Variants in CALN1 observed in about 807,000 individuals in gnomAD.
The protein encoded by CALN1 is calneuron 1, also known as calcium-binding protein 8.
Under a neutral mutation model 30.6 loss-of-function variants are expected in CALN1, and 17 were observed. That is an observed-to-expected ratio of 0.56 (90% CI 0.38 to 0.83). CALN1 has a LOEUF of 0.83. Ranked by LOEUF, CALN1 falls within the 40% of genes least tolerant of loss-of-function variation. The probability of loss-of-function intolerance (pLI) is 0.00; values close to 1 mark genes in which losing one functional copy is unlikely to be tolerated. For synonymous variants in CALN1, 156 were observed against 131.4 expected (o/e 1.19, Z -1.28); for missense variants, 291 against 354.9 (o/e 0.82, Z 1.45).
intron 4 of CALN1, among the ~76,000 whole-genome samples, chr7:72,053,808 G>A: frequency 6.8e-6 from 1 of 147,188 alleles, no homozygotes; most frequent in East Asian, 2.0e-4. Flanking sequence ...TTCCCCCCAG[G>A]TCCCCAAAGT....
chr7:71,943,683 T>C (rs10276992), intron 5 of CALN1, among the ~76,000 whole-genome samples: 102,836 of 151,908 alleles, frequency 0.68, 35,311 homozygotes, highest in Non-Finnish European at 0.72. Flanking sequence ...CTCAGGTCAT[T>C]CACCCACCTC....
At position 72,055,508 on chromosome 7, in the gene CALN1, AAAG is replaced by A. The variant is rs569730196; in HGVS notation, c.389-31742_389-31740del. ...GATATGGTAATCATCGTTGCAAAAAAAAGAGGATTCTTTGAGAAAACTATAAAA... is the reference window on the plus strand; with the variant it reads ...GATATGGTAATCATCGTTGCAAAAAAAGGATTCTTTGAGAAAACTATAAAA... On this transcript the variant is annotated intron_variant, in intron 4 of 6. Coordinates refer to ENST00000395275, the MANE Select transcript of CALN1 (RefSeq NM_031468.4). Among the ~76,000 whole-genome samples the A allele has an allele frequency of 3.9e-3, 597 of 152,320 alleles. 4 individuals are homozygous for A. The highest frequency in any genetic ancestry group is 0.027 in the Middle Eastern group (8 of 294).
intron 3 of CALN1, among the ~76,000 whole-genome samples, chr7:72,229,448 T>C (rs549595649): frequency 1.3e-4 from 20 of 151,986 alleles, no homozygotes; most frequent in Non-Finnish European, 2.9e-4. Context: ...ACCCAAATGA[T>C]TATAAATCAT....
At chr7:72,340,601 G>C (rs192415025) in intron 2 of CALN1, among the ~76,000 whole-genome samples, 236 of 152,274 alleles carry the variant, frequency 1.5e-3, no homozygotes, top group Admixed American at 5.1e-3. Flanking sequence ...CGGATAGCTG[G>C]TCTTACTGCA....
chr7:72,403,242 A>T lies in CALN1; in HGVS notation c.119+9T>A. 1 of 1,546,218 alleles carries T rather than the reference A, an allele frequency of 6.5e-7. No homozygotes were observed. The highest frequency in any genetic ancestry group is 2.4e-5 in the East Asian group (1 of 40,918). ...TCTAGGTCCTTGGGTTTGGGGGAAG[A>T]AGACTTGCCAGGTGGGGAAGTCGGG... On this transcript the variant is annotated intron_variant, in intron 2 of 6. Transcript: ENST00000395275.
intron 2 of CALN1, among the ~76,000 whole-genome samples, chr7:72,315,927 A>C (rs1261304163): frequency 6.6e-6 from 1 of 152,028 alleles, no homozygotes; most frequent in Admixed American, 6.6e-5. Context: ...CAGGAGGATC[A>C]CTTGAGGTCA....
the CALN1 span, among the ~76,000 whole-genome samples, chr7:72,463,979 G>T: frequency 9.2e-6 from 1 of 108,328 alleles, no homozygotes; most frequent in Non-Finnish European, 1.7e-5. Context: ...AAGGAAGGAA[G>T]GGAAGGAGGG....
At chr7:72,495,672 CAG>C in the CALN1 span, among the ~76,000 whole-genome samples, 1 of 152,148 alleles carries the variant, frequency 6.6e-6, no homozygotes, top group Admixed American at 6.6e-5. Context: ...CTCAAGAAAA[CAG>C]AGAAGTGTGG....
chr7:72,442,755 T>C (rs926291273), intron 1 of CALN1, among the ~76,000 whole-genome samples: 2 of 152,234 alleles, frequency 1.3e-5, no homozygotes, highest in Non-Finnish European at 2.9e-5. Flanking sequence ...TTGCACTTTA[T>C]GTAGGGTTGC....
intron 3 of CALN1, among the ~76,000 whole-genome samples, chr7:72,137,577 T>A (rs1381201826): frequency 2.0e-5 from 3 of 152,068 alleles, no homozygotes; most frequent in Admixed American, 6.5e-5. Flanking sequence ...AAACACAGTA[T>A]CTGCAAGGTG....
chr7:72,194,660 T>C (rs2428278), intron 3 of CALN1, among the ~76,000 whole-genome samples: 77,676 of 146,002 alleles, frequency 0.53, 24,025 homozygotes, highest in East Asian at 0.96. Flanking sequence ...GGCACGATCT[T>C]GGCTCACTGA....
intron 3 of CALN1, among the ~76,000 whole-genome samples, chr7:72,228,299 T>C (rs980664119): frequency 2.0e-5 from 3 of 151,726 alleles, no homozygotes; most frequent in South Asian, 2.1e-4. Context: ...TTGCCTAGAA[T>C]GCATGTAACT....
chr7:72,014,052 T>C (rs1029285631), intron 5 of CALN1, among the ~76,000 whole-genome samples: 5 of 151,788 alleles, frequency 3.3e-5, no homozygotes, highest in African/African-American at 1.2e-4. Flanking sequence ...TTTCTTTCTA[T>C]TTACATTTCT....
chr7:72,310,217 C>A (rs1799948014), intron 2 of CALN1, among the ~76,000 whole-genome samples: 1 of 151,676 alleles, frequency 6.6e-6, no homozygotes, highest in Non-Finnish European at 1.5e-5. Flanking sequence ...CTCTGAAAAA[C>A]CCTAGACAGC....
chr7:72,144,461 C>G (rs1419406177), intron 3 of CALN1, among the ~76,000 whole-genome samples: 2 of 152,138 alleles, frequency 1.3e-5, no homozygotes, highest in Non-Finnish European at 2.9e-5. Context: ...CAGGAGCACC[C>G]AGATTCATAA....
intron 3 of CALN1, among the ~76,000 whole-genome samples, chr7:72,238,798 G>A (rs979945791): frequency 1.3e-5 from 2 of 152,202 alleles, no homozygotes; most frequent in Non-Finnish European, 2.9e-5. Flanking sequence ...CTGTAGAACT[G>A]TAAGTCAATT....
intron 3 of CALN1, among the ~76,000 whole-genome samples, chr7:72,133,214 G>A (rs967890697): frequency 2.6e-5 from 4 of 152,064 alleles, no homozygotes; most frequent in African/African-American, 7.2e-5. Flanking sequence ...GACTCCTAAT[G>A]ACGCGAGAAA....
chr7:72,226,665 T>C (rs1210274843), intron 3 of CALN1, among the ~76,000 whole-genome samples: 1 of 152,204 alleles, frequency 6.6e-6, no homozygotes, highest in East Asian at 1.9e-4. Flanking sequence ...GACATTATCC[T>C]AGGCAAACTG....
At chr7:72,371,754 A>C (rs1489537201) in intron 2 of CALN1, among the ~76,000 whole-genome samples, 2 of 152,210 alleles carry the variant, frequency 1.3e-5, no homozygotes, top group African/African-American at 4.8e-5. Context: ...TTCACTGATA[A>C]AACTATGCTT....
Sources: allele counts gnomAD v4.1 joint callset (sites outside exome capture counted in the v4.1 genomes callset), GRCh38; gene constraint gnomAD v4.1.1; transcripts MANE v1.5; gene names NCBI Gene and HGNC (gene_info 2026-07-23, HGNC 2026-07-21).